Variants in CCDC169 observed in about 807,000 individuals in gnomAD.
The protein encoded by CCDC169 is coiled-coil domain containing 169.
A neutral mutation model predicts 36.0 loss-of-function variants in CCDC169; 30 were observed. The ratio of observed to expected loss-of-function variants is 0.83; its 90% CI spans 0.62 to 1.13. The LOEUF (loss-of-function observed/expected upper bound fraction) is 1.13, where lower values mean the gene tolerates loss of function less well. CCDC169 is among the 50% of genes most tolerant of loss of function. The pLI is 0.00. For synonymous variants in CCDC169, 85 were observed against 81.5 expected (o/e 1.04, Z -0.23); for missense variants, 245 against 245.9 (o/e 1.00, Z 0.03).
chr13:36,288,011 TTTAA>T (rs1878445628), intron 2 of CCDC169, among the ~76,000 whole-genome samples: 2 of 152,234 alleles, frequency 1.3e-5, no homozygotes, highest in South Asian at 4.2e-4. Context: ...ATTATTTATT[TTTAA>T]TTTTTTTTTT....
chr13:36,244,414 T>C (rs1162931915), intron 7 of CCDC169: 2 of 152,214 alleles, frequency 1.3e-5, no homozygotes, highest in Admixed American at 6.5e-5. Context: ...GCTAAGTATC[T>C]AACGAGCTTC....
At chr13:36,260,500 T>A (rs1292944379) in intron 4 of CCDC169, among the ~76,000 whole-genome samples, 3 of 152,184 alleles carry the variant, frequency 2.0e-5, no homozygotes, top group Non-Finnish European at 4.4e-5. Context: ...ATATACATGA[T>A]TATAAATTGT....
rs1334727708 is a variant in CCDC169 at position 36,231,196 on chromosome 13, T to C, written c.642A>G (p.Pro214=). Residue 214 remains proline, a synonymous_variant, in exon 8 of 8, where the codon CCA becomes CCG. Coordinates refer to ENST00000239859, the MANE Select transcript of CCDC169 (RefSeq NM_001144981.3). ...AGAAATCCATCCAGTTCTGGAATCA[T>C]GGATGGAGTTCTGGAAGATGGTTTG... ...TRPNHLPELH[P] is the part of the protein sequence containing the mutation. The C allele has an allele frequency of 3.9e-6, 6 of 1,551,014 alleles. No individual in the cohort carries two copies. In the African/African-American group the frequency reaches 6.8e-5, roughly 18 times the overall value.
intron 4 of CCDC169, among the ~76,000 whole-genome samples, chr13:36,277,522 G>C (rs1401934971): frequency 6.6e-6 from 1 of 152,120 alleles, no homozygotes; most frequent in Non-Finnish European, 1.5e-5. Flanking sequence ...TATGGCTACA[G>C]GTCTTTGCTG....
intron 2 of CCDC169, among the ~76,000 whole-genome samples, chr13:36,290,304 G>A (rs914933331): frequency 2.0e-5 from 3 of 152,020 alleles, no homozygotes; most frequent in Non-Finnish European, 4.4e-5. Context: ...TTTATTCTGT[G>A]CCTAAATAAA....
chr13:36,283,844 T>C (rs1276428532), intron 2 of CCDC169, 142 bp from the exon 3 acceptor site: 8 of 677,822 alleles, frequency 1.2e-5, no homozygotes, highest in African/African-American at 9.0e-5. Flanking sequence ...GAAATAGTTA[T>C]TAAGTCTGTA....
chr13:36,292,601 C>T (rs13378906), intron 2 of CCDC169, among the ~76,000 whole-genome samples: 99,696 of 152,052 alleles, frequency 0.66, 33,365 homozygotes, highest in East Asian at 0.84. Context: ...TGCCTAAAAA[C>T]TAATCCAGTG....
intron 4 of CCDC169, chr13:36,267,232 G>C (rs1405085140): frequency 1.3e-5 from 2 of 152,178 alleles, no homozygotes; most frequent in Non-Finnish European, 2.9e-5. Context: ...CATAGTCCCT[G>C]TGCAAGAATG....
chr13:36,222,767 A>C (rs1869678980), downstream of CCDC169: 1 of 152,244 alleles, frequency 6.6e-6, no homozygotes, highest in Non-Finnish European at 1.5e-5. Context: ...GCAGAAAATG[A>C]AACCCGAAAC....
At chr13:36,259,894 C>A (rs925387788) in intron 4 of CCDC169, among the ~76,000 whole-genome samples, 2 of 152,204 alleles carry the variant, frequency 1.3e-5, no homozygotes, top group Admixed American at 6.5e-5. Flanking sequence ...CTGGCCCTGC[C>A]AGGGACTGGG....
At chr13:36,239,766 A>G (rs1198754398) in intron 7 of CCDC169, among the ~76,000 whole-genome samples, 1 of 152,136 alleles carries the variant, frequency 6.6e-6, no homozygotes, top group African/African-American at 2.4e-5. Flanking sequence ...TGATTGGTCT[A>G]TCTGCTCCAA....
intron 4 of CCDC169, among the ~76,000 whole-genome samples, chr13:36,270,386 C>G (rs541321603): frequency 2.0e-5 from 3 of 152,160 alleles, no homozygotes; most frequent in Non-Finnish European, 2.9e-5. Context: ...CATCAAAATA[C>G]CAACATCATT....
chr13:36,241,197 A>G (rs889329242), intron 7 of CCDC169, among the ~76,000 whole-genome samples: 1 of 152,176 alleles, frequency 6.6e-6, no homozygotes, highest in Non-Finnish European at 1.5e-5. Context: ...GGGTAAGTCA[A>G]TATTTTAATA....
intron 7 of CCDC169, 149 bp downstream of exon 7, chr13:36,248,457 T>G: frequency 1.6e-6 from 1 of 636,408 alleles, no homozygotes; most frequent in African/African-American, 1.8e-5. Flanking sequence ...AGATCACAAC[T>G]TCTTTAAGTT....
At chr13:36,270,902 A>G (rs1875962660) in intron 4 of CCDC169, among the ~76,000 whole-genome samples, 1 of 152,232 alleles carries the variant, frequency 6.6e-6, no homozygotes, top group African/African-American at 2.4e-5. Context: ...CAAATGCAAC[A>G]AAAACAAAAA....
At chr13:36,232,493 A>G (rs1172528213) in intron 7 of CCDC169, among the ~76,000 whole-genome samples, 5 of 152,146 alleles carry the variant, frequency 3.3e-5, no homozygotes, top group Admixed American at 2.6e-4. Flanking sequence ...CAGGAAGCTT[A>G]AAAGGAAAAG....
At chr13:36,288,246 C>T (rs576996835) in intron 2 of CCDC169, among the ~76,000 whole-genome samples, 1 of 152,050 alleles carries the variant, frequency 6.6e-6, no homozygotes, top group African/African-American at 2.4e-5. Context: ...GATCTTCTGA[C>T]CTCATTATCC....
intron 6 of CCDC169, among the ~76,000 whole-genome samples, chr13:36,252,943 T>C (rs765215447): frequency 1.3e-5 from 2 of 152,214 alleles, no homozygotes; most frequent in African/African-American, 2.4e-5. Context: ...GTGAATGCTA[T>C]GAAACATTGA....
downstream of CCDC169, among the ~76,000 whole-genome samples, chr13:36,228,028 C>T (rs1205419095): frequency 6.6e-6 from 1 of 152,202 alleles, no homozygotes; most frequent in Admixed American, 6.5e-5. Context: ...CAAATAATAT[C>T]CATTGTTGGA....
Sources: allele counts gnomAD v4.1 joint callset (sites outside exome capture counted in the v4.1 genomes callset), GRCh38; gene constraint gnomAD v4.1.1; transcripts MANE v1.5; gene names NCBI Gene and HGNC (gene_info 2026-07-23, HGNC 2026-07-21).